Variants in PTPN3 observed in about 807,000 individuals in gnomAD.
PTPN3 encodes the protein tyrosine-protein phosphatase non-receptor type 3.
PTPN3 carries 96 observed loss-of-function variants against 132.7 expected under a neutral mutation model. That is an observed-to-expected ratio of 0.72 (90% confidence interval 0.61 to 0.86). The LOEUF (loss-of-function observed/expected upper bound fraction) is 0.86. Ranked by LOEUF, PTPN3 falls within the 40% of genes least tolerant of loss-of-function variation. The pLI, the probability that PTPN3 is intolerant of heterozygous loss-of-function variation, is 0.00. For synonymous variants in PTPN3, 398 were observed against 429.0 expected (o/e 0.93, Z 0.89); for missense variants, 1,125 against 1,159.6 (o/e 0.97, Z 0.43).
intron 9 of PTPN3, 152 bp from the exon 10 acceptor site, chr9:109,433,313 C>T (rs891792796): frequency 6.8e-5 from 88 of 1,301,552 alleles, no homozygotes; most frequent in Admixed American, 3.0e-4. Flanking sequence ...CCCCACTTAA[C>T]GGATACTTAA....
At chr9:109,467,709 A>G (rs1272795659) in intron 1 of PTPN3, among the ~76,000 whole-genome samples, 1 of 152,214 alleles carries the variant, frequency 6.6e-6, no homozygotes, top group Non-Finnish European at 1.5e-5. Flanking sequence ...AATGGTGGAC[A>G]CTGATTTCCA....
chr9:109,417,592 G>A (rs1842620175), intron 14 of PTPN3: 1 of 984,318 alleles, frequency 1.0e-6, no homozygotes, highest in Non-Finnish European at 1.2e-6. Context: ...TTCTTACCTG[G>A]AGCAATGGGG....
In PTPN3 at chr9:109,405,021, G is replaced by A. The variant is rs76500653; in HGVS notation, c.1793-413C>T. ...CTAAAATGGGCATTTCCTCAGGCAT[G>A]AGGGTGAGGTCCCAAGCTTTTCCTG... On this transcript the variant is annotated intron_variant, in intron 18 of 25. Coordinates refer to ENST00000374541, the MANE Select transcript of PTPN3 (RefSeq NM_002829.4). Among the ~76,000 whole-genome samples, 100 of 152,310 alleles carry A rather than the reference G, an allele frequency of 6.6e-4. 1 individual carries two copies. The highest frequency in any genetic ancestry group is 3.4e-3 in the Middle Eastern group (1 of 294).
intron 7 of PTPN3, among the ~76,000 whole-genome samples, chr9:109,443,943 C>T (rs10979866): frequency 0.34 from 51,447 of 151,932 alleles, 9,651 homozygotes; most frequent in African/African-American, 0.48. Context: ...AAGCTGCAGG[C>T]CCAGCCACCT....
At chr9:109,511,829 G>T in the PTPN3 span, among the ~76,000 whole-genome samples, 3 of 152,174 alleles carry the variant, frequency 2.0e-5, no homozygotes, top group Non-Finnish European at 4.4e-5. Flanking sequence ...TAAGATAGTG[G>T]TTCTCAAACT....
At chr9:109,410,983 GT>G (rs1842033228) in intron 14 of PTPN3, among the ~76,000 whole-genome samples, 1 of 152,190 alleles carries the variant, frequency 6.6e-6, no homozygotes, top group African/African-American at 2.4e-5. Context: ...ATCGAATATA[GT>G]TTCTTCTGTA....
At chr9:109,422,915 T>C (rs1299849890) in intron 12 of PTPN3, 63 bp from the exon 13 acceptor site, 22 of 1,559,478 alleles carry the variant, frequency 1.4e-5, no homozygotes, top group Admixed American at 1.7e-5. Context: ...AATTACTGCA[T>C]GTGTGAAACA....
At chr9:109,430,178 G>A (rs1011223963) in intron 10 of PTPN3, among the ~76,000 whole-genome samples, 3 of 152,104 alleles carry the variant, frequency 2.0e-5, no homozygotes, top group Admixed American at 6.5e-5. Flanking sequence ...CCCTGAAGTC[G>A]GGGGAGTCTC....
chr9:109,443,869 G>A (rs145552230), intron 7 of PTPN3, among the ~76,000 whole-genome samples: 21 of 152,298 alleles, frequency 1.4e-4, no homozygotes, highest in African/African-American at 4.6e-4. Context: ...CGTCTTACTC[G>A]TGAATAGGGT....
chr9:109,420,399 A>T lies in PTPN3; in HGVS notation c.1313+25T>A, dbSNP rs756030864. The T allele has an allele frequency of 3.2e-6, 5 of 1,568,078 alleles. No individual in the cohort carries two copies. In the South Asian group the frequency reaches 5.8e-5, roughly 18 times the overall value. On this transcript the variant is annotated intron_variant, in intron 14 of 25. Transcript: ENST00000374541. ...CAACAGCCAAAAAGCAAATACCCAG[A>T]AATAAAACAACACGAGTTTCTTACT...
intron 5 of PTPN3, chr9:109,451,042 T>A (rs1588449183): frequency 9.8e-6 from 4 of 406,334 alleles, no homozygotes; most frequent in Non-Finnish European, 1.1e-5. Context: ...TTCATTTTTT[T>A]AATTTTTAAT....
chr9:109,517,598 G>T, the PTPN3 span, among the ~76,000 whole-genome samples: 1 of 152,198 alleles, frequency 6.6e-6, no homozygotes, highest in Non-Finnish European at 1.5e-5. Context: ...GTCTAGTTTG[G>T]AGATAGGTAT....
chr9:109,438,848 G>T (rs1844244804), intron 7 of PTPN3, among the ~76,000 whole-genome samples: 1 of 152,182 alleles, frequency 6.6e-6, no homozygotes, highest in African/African-American at 2.4e-5. Context: ...GAATGGTCAG[G>T]GCTCAGGCAA....
At chr9:109,480,455 C>T (rs192395259) in intron 1 of PTPN3, among the ~76,000 whole-genome samples, 24 of 152,244 alleles carry the variant, frequency 1.6e-4, no homozygotes, top group East Asian at 1.5e-3. Context: ...GGAGCCACTG[C>T]GCCTGGCCTA....
At chr9:109,508,983 C>T in the PTPN3 span, among the ~76,000 whole-genome samples, 3 of 152,094 alleles carry the variant, frequency 2.0e-5, no homozygotes, top group African/African-American at 7.2e-5. Context: ...TGCTTGAGGC[C>T]AGGAGTTTGA....
chr9:109,516,391 G>A, the PTPN3 span, among the ~76,000 whole-genome samples: 5 of 152,232 alleles, frequency 3.3e-5, no homozygotes, highest in Non-Finnish European at 7.3e-5. Flanking sequence ...GGTTAGAGAA[G>A]CTTTCAAGGA....
At chr9:109,537,316 C>T in the PTPN3 span, among the ~76,000 whole-genome samples, 1 of 152,182 alleles carries the variant, frequency 6.6e-6, no homozygotes, top group African/African-American at 2.4e-5. Context: ...ACCCCCTCCT[C>T]AACTTCTTAC....
chr9:109,425,326 A>T (rs7851670), intron 12 of PTPN3, among the ~76,000 whole-genome samples: 5,768 of 152,314 alleles, frequency 0.038, 143 homozygotes, highest in East Asian at 0.15. Context: ...ACCTATCAGA[A>T]AGATAATGGC....
the PTPN3 span, among the ~76,000 whole-genome samples, chr9:109,537,386 T>C: frequency 6.6e-6 from 1 of 152,186 alleles, no homozygotes; most frequent in African/African-American, 2.4e-5. Flanking sequence ...CATTTTTATT[T>C]TCCTAGCTGA....
Sources: allele counts gnomAD v4.1 joint callset (sites outside exome capture counted in the v4.1 genomes callset), GRCh38; gene constraint gnomAD v4.1.1; transcripts MANE v1.5; gene names NCBI Gene and HGNC (gene_info 2026-07-23, HGNC 2026-07-21).